The following ZRANB3 variants were observed in gnomAD, a reference collection of about 807,000 sequenced individuals.
ZRANB3 encodes zinc finger RANBP2-type containing 3.
A neutral mutation model predicts 133.8 loss-of-function variants in ZRANB3; 125 were observed. The observed-to-expected ratio is 0.93, with a 90% CI of 0.81 to 1.08. The LOEUF is 1.08. Ranked by LOEUF, ZRANB3 falls within the 50% of genes least tolerant of loss-of-function variation. ZRANB3 has a pLI of 0.00. For synonymous variants in ZRANB3, 387 were observed against 432.7 expected, an observed-to-expected ratio of 0.89 and a Z score of 1.31; for missense variants, 1,229 against 1,275.5, an observed-to-expected ratio of 0.96 and a Z score of 0.56.
At chr2:135,416,762 T>C (rs1370835020) in intron 2 of ZRANB3, among the ~76,000 whole-genome samples, 1 of 152,096 alleles carries the variant, frequency 6.6e-6, no homozygotes, top group Non-Finnish European at 1.5e-5. Flanking sequence ...AAAACAGAGA[T>C]ATAGATCAAT....
At chr2:135,271,621 C>T (rs1472365135) in intron 10 of ZRANB3, 147 bp downstream of exon 10, 3 of 968,020 alleles carry the variant, frequency 3.1e-6, no homozygotes, top group Non-Finnish European at 4.5e-6. Context: ...ATTATACTTT[C>T]TGGAACTCTC....
At chr2:135,258,002 T>A (rs1315383345) in intron 12 of ZRANB3, among the ~76,000 whole-genome samples, 1 of 152,148 alleles carries the variant, frequency 6.6e-6, no homozygotes, top group Non-Finnish European at 1.5e-5. Context: ...TTAAATAAGA[T>A]CATGAGCCTG....
intron 16 of ZRANB3, 111 bp from the exon 17 acceptor site, chr2:135,217,718 T>C (rs1373584332): frequency 3.0e-6 from 4 of 1,327,580 alleles, no homozygotes; most frequent in East Asian, 2.5e-5. Context: ...GTCCCCCAAA[T>C]AGGCTTTTGA....
At position 135,339,154 on chromosome 2, in the gene ZRANB3, G is replaced by C. The variant is rs544905948; in HGVS notation, c.677+6396C>G. 2.6e-5 allele frequency among the ~76,000 whole-genome samples: 4 copies of C among 152,288 alleles called. No homozygotes were observed. In the East Asian group the frequency reaches 7.7e-4, roughly 29 times the overall value. On this transcript the variant is annotated intron_variant, in intron 6 of 20. Coordinates refer to ENST00000264159, the MANE Select transcript of ZRANB3 (RefSeq NM_032143.4). ...TTGCCAGGTGTGGTGGCTCATGCCT[G>C]TAATCCCAGCACTTTGGGAGGCCAG...
chr2:135,441,179 C>G (rs986646969), intron 2 of ZRANB3, among the ~76,000 whole-genome samples: 3 of 152,140 alleles, frequency 2.0e-5, no homozygotes, highest in African/African-American at 7.2e-5. Context: ...ATAGATACAT[C>G]AGGGTCAAAC....
chr2:135,268,378 G>A (rs974866106), intron 11 of ZRANB3, among the ~76,000 whole-genome samples: 7 of 152,052 alleles, frequency 4.6e-5, no homozygotes, highest in African/African-American at 1.7e-4. Context: ...TGTTGGCCAG[G>A]CTAGTCTCGA....
chr2:135,516,811 G>A (rs557251876), intron 1 of ZRANB3, among the ~76,000 whole-genome samples: 2 of 152,238 alleles, frequency 1.3e-5, no homozygotes, highest in South Asian at 2.1e-4. Context: ...GAATTTGAAT[G>A]TTGGCCTGTC....
At chr2:135,516,325 A>C (rs1234811888) in intron 1 of ZRANB3, among the ~76,000 whole-genome samples, 1 of 152,036 alleles carries the variant, frequency 6.6e-6, no homozygotes, top group Non-Finnish European at 1.5e-5. Flanking sequence ...CTAGCTGGTT[A>C]TTTTGCCCAT....
At chr2:135,454,912 G>A (rs113752068) in intron 2 of ZRANB3, among the ~76,000 whole-genome samples, 123 of 152,082 alleles carry the variant, frequency 8.1e-4, no homozygotes, top group African/African-American at 2.7e-3. Context: ...CTCTCAATGC[G>A]CTACTACAAT....
At chr2:135,359,543 A>G (rs573272823) in intron 3 of ZRANB3, among the ~76,000 whole-genome samples, 3 of 151,372 alleles carry the variant, frequency 2.0e-5, no homozygotes, top group African/African-American at 7.3e-5. Context: ...TTACCACGTC[A>G]CTGCACTCCA....
chr2:135,314,234 T>C (rs760616800), intron 7 of ZRANB3, among the ~76,000 whole-genome samples: 10 of 152,156 alleles, frequency 6.6e-5, no homozygotes, highest in Non-Finnish European at 1.3e-4. Flanking sequence ...GTAGTAAAAA[T>C]GTATAAAGCA....
At chr2:135,522,713 A>G (rs939768252) in intron 1 of ZRANB3, among the ~76,000 whole-genome samples, 1 of 152,172 alleles carries the variant, frequency 6.6e-6, no homozygotes, top group African/African-American at 2.4e-5. Context: ...ACTCCATCTC[A>G]AAAGAAAAAG....
intron 12 of ZRANB3, among the ~76,000 whole-genome samples, chr2:135,255,275 GACAC>G (rs113493109): frequency 6.7e-6 from 1 of 148,436 alleles, no homozygotes; most frequent in Non-Finnish European, 1.5e-5. Context: ...CACACACACA[GACAC>G]ACACACACAC....
chr2:135,385,867 T>C (rs186746036), intron 3 of ZRANB3, among the ~76,000 whole-genome samples: 3 of 152,286 alleles, frequency 2.0e-5, no homozygotes, highest in Admixed American at 6.5e-5. Context: ...TGAATGGTTT[T>C]AGACCTAAAA....
intron 2 of ZRANB3, among the ~76,000 whole-genome samples, chr2:135,405,748 G>A (rs936715910): frequency 1.3e-4 from 20 of 152,136 alleles, no homozygotes; most frequent in African/African-American, 3.6e-4. Flanking sequence ...TGAAGGCAGA[G>A]ATCAAGATGT....
At chr2:135,294,384 G>T (rs1018539546) in intron 8 of ZRANB3, among the ~76,000 whole-genome samples, 1 of 152,192 alleles carries the variant, frequency 6.6e-6, no homozygotes, top group Admixed American at 6.5e-5. Context: ...TATTTGCATA[G>T]AGGTGTTTAT....
At chr2:135,526,213 G>A (rs1027839647) in intron 1 of ZRANB3, among the ~76,000 whole-genome samples, 3 of 148,616 alleles carry the variant, frequency 2.0e-5, no homozygotes, top group African/African-American at 7.5e-5. Context: ...GCCCAGGCTG[G>A]AGTACAATGG....
intron 2 of ZRANB3, among the ~76,000 whole-genome samples, chr2:135,479,203 C>T (rs1214338269): frequency 6.6e-6 from 1 of 151,888 alleles, no homozygotes; most frequent in African/African-American, 2.4e-5. Context: ...GAAATTAATA[C>T]ATATGTTCAC....
intron 2 of ZRANB3, among the ~76,000 whole-genome samples, chr2:135,396,634 TAG>T (rs1687499332): frequency 6.6e-6 from 1 of 151,918 alleles, no homozygotes; most frequent in Admixed American, 6.6e-5. Flanking sequence ...CTCATGGAGA[TAG>T]AGAATAGAAT....
Sources: gnomAD v4.1 joint callset for allele counts (sites outside exome capture counted in the v4.1 genomes callset) on GRCh38, gnomAD v4.1.1 for gene constraint, MANE v1.5 for transcripts, NCBI Gene and HGNC (gene_info 2026-07-23, HGNC 2026-07-21) for gene names.